The following DOCK4 variants were observed in gnomAD, a reference collection of about 807,000 sequenced individuals.
DOCK4 encodes the protein dedicator of cytokinesis 4.
In DOCK4, 97 loss-of-function variants were observed where a neutral mutation model predicts 268.1. The observed-to-expected ratio is 0.36, with a 90% CI of 0.31 to 0.43. DOCK4 has a LOEUF of 0.43. DOCK4 is among the 20% of genes least tolerant of loss of function. The pLI, the probability that DOCK4 is intolerant of heterozygous loss-of-function variation, is 1.00. For missense variants in DOCK4, 2,145 were observed against 2,455.7 expected (o/e 0.87, Z 2.67); for synonymous variants, 954 against 887.2 (o/e 1.08, Z -1.34).
chr7:112,086,851 C>T (rs888644922), intron 1 of DOCK4, among the ~76,000 whole-genome samples: 2 of 152,226 alleles, frequency 1.3e-5, no homozygotes, highest in Non-Finnish European at 2.9e-5. Flanking sequence ...TCACAGTTTA[C>T]ACAGTCAGTA....
rs1051553207 is a variant in DOCK4, at chr7:112,189,926, C to A, written c.37+16176G>T. 2.0e-5 allele frequency among the ~76,000 whole-genome samples: 3 copies of A among 152,018 alleles called. No individual in the cohort carries two copies. In the South Asian group the frequency reaches 6.2e-4, roughly 32 times the overall value. ...CAATTTTACATAGTCACAGGACAAA[C>A]AGAACCACAATGTATGTTTCAGATT... is the stretch of plus-strand genomic sequence containing the variant. On this transcript the variant is annotated intron_variant, in intron 1 of 52. Transcript: ENST00000428084.
At chr7:111,774,018 A>G (rs1266664675) in intron 36 of DOCK4, among the ~76,000 whole-genome samples, 1 of 151,904 alleles carries the variant, frequency 6.6e-6, no homozygotes, top group Non-Finnish European at 1.5e-5. Flanking sequence ...CCTTGTCTCA[A>G]AAAAAAAGAA....
At chr7:112,119,888 C>T (rs1233222285) in intron 1 of DOCK4, among the ~76,000 whole-genome samples, 2 of 151,304 alleles carry the variant, frequency 1.3e-5, no homozygotes, top group African/African-American at 4.9e-5. Flanking sequence ...CACTCTGTCA[C>T]CCAGGCTGGA....
At chr7:112,143,015 T>TG (rs1815080180) in intron 1 of DOCK4, among the ~76,000 whole-genome samples, 3 of 152,128 alleles carry the variant, frequency 2.0e-5, no homozygotes, top group Non-Finnish European at 4.4e-5. Context: ...GGTGGATAAG[T>TG]GGGGGTGACT....
At chr7:111,752,266 T>C (rs886359474) in intron 42 of DOCK4, among the ~76,000 whole-genome samples, 3 of 152,138 alleles carry the variant, frequency 2.0e-5, no homozygotes, top group Non-Finnish European at 2.9e-5. Context: ...TTCTCTATTT[T>C]TGTATGCTAT....
At chr7:111,901,332 CAAAAAAA>C (rs398047987) in intron 14 of DOCK4, among the ~76,000 whole-genome samples, 112 of 75,238 alleles carry the variant, frequency 1.5e-3, no homozygotes, top group Non-Finnish European at 2.4e-3. Context: ...GATTCTGTCT[CAAAAAAA>C]AAAAAAAAAA....
chr7:112,188,232 G>C (rs937200664), intron 1 of DOCK4, among the ~76,000 whole-genome samples: 1 of 152,208 alleles, frequency 6.6e-6, no homozygotes, highest in Non-Finnish European at 1.5e-5. Flanking sequence ...TCAGTTACTT[G>C]AACACAAACC....
chr7:111,813,200 G>A (rs1392815961), intron 27 of DOCK4, among the ~76,000 whole-genome samples: 2 of 152,176 alleles, frequency 1.3e-5, no homozygotes, highest in South Asian at 2.1e-4. Flanking sequence ...GTGTGATATG[G>A]TAAAGCCTCA....
chr7:112,000,916 C>G (rs982627697), intron 2 of DOCK4, among the ~76,000 whole-genome samples: 3 of 152,152 alleles, frequency 2.0e-5, no homozygotes, highest in Non-Finnish European at 4.4e-5. Flanking sequence ...CACATTATGT[C>G]ACAGGGAAAG....
intron 17 of DOCK4, among the ~76,000 whole-genome samples, chr7:111,872,968 T>C (rs1335584517): frequency 6.6e-6 from 1 of 152,238 alleles, no homozygotes; most frequent in African/African-American, 2.4e-5. Context: ...TGAGAGTTTC[T>C]TGAGGGCTGG....
At chr7:111,824,680 C>G (rs1322316363) in intron 26 of DOCK4, among the ~76,000 whole-genome samples, 1 of 152,112 alleles carries the variant, frequency 6.6e-6, no homozygotes, top group Non-Finnish European at 1.5e-5. Context: ...ATCTTACCAG[C>G]TAGCAACTTG....
chr7:111,854,098 T>G (rs1354221893), intron 23 of DOCK4, among the ~76,000 whole-genome samples: 1 of 152,032 alleles, frequency 6.6e-6, no homozygotes, highest in African/African-American at 2.4e-5. Context: ...ACCTGGCTAA[T>G]TTTTATATTT....
chr7:111,918,339 C>T (rs1792793471), intron 12 of DOCK4, among the ~76,000 whole-genome samples: 1 of 152,186 alleles, frequency 6.6e-6, no homozygotes, highest in Non-Finnish European at 1.5e-5. Context: ...CTAACTACCC[C>T]TTATCTCCCT....
intron 10 of DOCK4, among the ~76,000 whole-genome samples, chr7:111,941,900 G>A (rs954607629): frequency 3.3e-5 from 5 of 152,200 alleles, no homozygotes; most frequent in Admixed American, 1.3e-4. Flanking sequence ...TGTCACTTGT[G>A]ACCCCTGGGA....
intron 26 of DOCK4, among the ~76,000 whole-genome samples, chr7:111,831,488 T>TC (rs1397034186): frequency 1.5e-5 from 2 of 133,522 alleles, no homozygotes; most frequent in East Asian, 4.4e-4. Context: ...CTTTCCTTTT[T>TC]CTTTTTTTTT....
At chr7:111,765,039 T>G (rs1797681915) in intron 39 of DOCK4, 79 bp downstream of exon 39, 1 of 634,838 alleles carries the variant, frequency 1.6e-6, no homozygotes, top group South Asian at 3.4e-5. Flanking sequence ...TCATATAAAA[T>G]GTCATTAACA....
At chr7:111,807,944 T>G (rs1052624624) in intron 30 of DOCK4, 2 of 152,112 alleles carry the variant, frequency 1.3e-5, no homozygotes, top group Admixed American at 6.5e-5. Flanking sequence ...AAAATCAGTC[T>G]GTTAACATGA....
intron 13 of DOCK4, among the ~76,000 whole-genome samples, chr7:111,908,700 GC>G (rs1273878271): frequency 6.6e-6 from 1 of 151,026 alleles, no homozygotes; most frequent in Non-Finnish European, 1.5e-5. Context: ...CCCTCCCCTT[GC>G]CCCCCACCGC....
intron 1 of DOCK4, among the ~76,000 whole-genome samples, chr7:112,145,903 T>C (rs747746915): frequency 3.9e-5 from 6 of 152,196 alleles, no homozygotes; most frequent in Non-Finnish European, 7.3e-5. Context: ...CAATCTATTA[T>C]TCAATATCAT....
Sources: gnomAD v4.1 joint callset for allele counts (sites outside exome capture counted in the v4.1 genomes callset) on GRCh38, gnomAD v4.1.1 for gene constraint, MANE v1.5 for transcripts, NCBI Gene and HGNC (gene_info 2026-07-23, HGNC 2026-07-21) for gene names.